LHX2: variants seen among roughly 807,000 people sequenced by gnomAD.
LHX2 encodes the protein LIM homeobox 2.
LHX2 carries 6 observed loss-of-function variants against 33.0 expected under a neutral mutation model. That is an observed-to-expected ratio of 0.18 (90% CI 0.10 to 0.36). The LOEUF is 0.36. Ranked by LOEUF, LHX2 falls within the 10% of genes least tolerant of loss-of-function variation. The pLI is 1.00. For missense variants in LHX2, 442 were observed against 586.2 expected (o/e 0.75, Z 2.54); for synonymous variants, 292 against 253.1 (o/e 1.15, Z -1.46).
rs187693891 is a variant in LHX2, at chr9:124,019,048, G to A, written c.728-2051G>A. ...CTGCCCCACCCCCAGTGGAGCTGGG[G>A]ACTGGGGGAAAGAAAAGGGTTGCTC... On this transcript the variant is annotated intron_variant, in intron 3 of 4. Transcript: ENST00000373615. 4.2e-3 allele frequency among the ~76,000 whole-genome samples: 636 copies of A among 152,348 alleles called. 3 individuals carry two copies. The highest frequency in any genetic ancestry group is 6.7e-3 in the Non-Finnish European group (455 of 68,028).
chr9:124,030,093 G>A (rs1317348949), intron 4 of LHX2, among the ~76,000 whole-genome samples: 1 of 152,214 alleles, frequency 6.6e-6, no homozygotes, highest in Non-Finnish European at 1.5e-5. Context: ...CCTTCTTCCT[G>A]GGAAGATCCA....
chr9:124,024,513 A>G (rs2118771838), intron 4 of LHX2, among the ~76,000 whole-genome samples: 1 of 152,314 alleles, frequency 6.6e-6, no homozygotes, highest in Non-Finnish European at 1.5e-5. Flanking sequence ...TGAGATTTGG[A>G]TGTTTTAATT....
intron 4 of LHX2, among the ~76,000 whole-genome samples, chr9:124,029,134 A>G (rs1486998731): frequency 7.2e-5 from 11 of 152,132 alleles, no homozygotes; most frequent in African/African-American, 2.7e-4. Flanking sequence ...TAATAATAAT[A>G]ATAGTCAATA....
At chr9:124,030,929 G>A (rs528931504) in intron 4 of LHX2, among the ~76,000 whole-genome samples, 99 of 152,200 alleles carry the variant, frequency 6.5e-4, no homozygotes, top group Non-Finnish European at 1.0e-3. Context: ...CACTGTGCCC[G>A]TCCTTAGATG....
chr9:124,025,427 T>C (rs7873464), intron 4 of LHX2, among the ~76,000 whole-genome samples: 74,653 of 138,156 alleles, frequency 0.54, 19,290 homozygotes, highest in Admixed American at 0.65. Flanking sequence ...GGCGACAGAG[T>C]GAGACTCTGT....
chr9:124,023,927 G>T (rs1737790962), intron 4 of LHX2, among the ~76,000 whole-genome samples: 1 of 152,196 alleles, frequency 6.6e-6, no homozygotes, highest in African/African-American at 2.4e-5. Context: ...ACCATGCTGT[G>T]TACCAGGCAG....
intron 3 of LHX2, among the ~76,000 whole-genome samples, chr9:124,020,520 C>T (rs940232046): frequency 6.6e-6 from 1 of 152,046 alleles, no homozygotes; most frequent in African/African-American, 2.4e-5. Flanking sequence ...TTCTAGGTGC[C>T]GGTCCCAGAC....
intron 4 of LHX2, among the ~76,000 whole-genome samples, chr9:124,024,882 C>T (rs1472234113): frequency 2.0e-5 from 3 of 152,188 alleles, no homozygotes; most frequent in African/African-American, 7.2e-5. Flanking sequence ...TTCCAAAGCT[C>T]TTTCCAATAT....
rs905633389 is a variant in LHX2 at position 124,012,685 on chromosome 9, C to T, written c.120+217C>T. On this transcript the variant is annotated intron_variant, in intron 1 of 4. Transcript: ENST00000373615. This position sits in a 1 kb window ranked among gnomAD's most constrained non-coding sequence, Gnocchi z 4.3. ...CAAGGTTGAAACCGAAATCTCGGCC[C>T]TGGGGGTAGAGGAGAGCGTTTCTTC... 1.3e-5 allele frequency among the ~76,000 whole-genome samples: 2 copies of T among 152,228 alleles called. No homozygotes were observed. The highest frequency in any genetic ancestry group is 4.8e-5 in the African/African-American group (2 of 41,464).
intron 4 of LHX2, among the ~76,000 whole-genome samples, chr9:124,022,785 G>A (rs372058805): frequency 1.1e-4 from 16 of 152,240 alleles, no homozygotes; most frequent in African/African-American, 3.6e-4. Context: ...CTGCAGCTGC[G>A]GGGGGAGCCG....
At chr9:124,030,041 G>T (rs1449103595) in intron 4 of LHX2, among the ~76,000 whole-genome samples, 1 of 152,224 alleles carries the variant, frequency 6.6e-6, no homozygotes, top group Non-Finnish European at 1.5e-5. Context: ...CCCCCAGAAG[G>T]GGTGATGGGC....
Position 124,032,731 on chromosome 9 carries a change from A to G in LHX2, c.*24A>G. ...AATGACTCGCAACCCCTCACCCCACAATTTCTTTAAAAAAGAAATTATCTT... is the reference window on the plus strand; with the variant it reads ...AATGACTCGCAACCCCTCACCCCACGATTTCTTTAAAAAAGAAATTATCTT... On this transcript the variant is annotated 3_prime_UTR_variant, in exon 5 of 5. Coordinates refer to ENST00000373615, the MANE Select transcript of LHX2 (RefSeq NM_004789.4). The surrounding 1 kb of genome is among the most constrained non-coding windows in gnomAD (Gnocchi z 4.1). 1 of 1,518,082 alleles carries G rather than the reference A, an allele frequency of 6.6e-7. No individual in the cohort carries two copies. The highest frequency in any genetic ancestry group is 8.8e-7 in the Non-Finnish European group (1 of 1,131,450). The allele number at this position is 1,518,082 out of a possible 1,614,324, so 94.0% of individuals were successfully genotyped here.
chr9:124,012,615 C>T lies in LHX2; in HGVS notation c.120+147C>T. On this transcript the variant is annotated intron_variant, in intron 1 of 4. Coordinates refer to ENST00000373615, the MANE Select transcript of LHX2 (RefSeq NM_004789.4). This position sits in a 1 kb window ranked among gnomAD's most constrained non-coding sequence, Gnocchi z 4.3. ...CTCGGTCAGAATGCAAGGCCGGTGG[C>T]TCCCGGTTCGGGGGAAACCCGGCTG... 9.5e-7 allele frequency: 1 copy of T among 1,057,552 alleles called. No individual in the cohort carries two copies. The highest frequency in any genetic ancestry group is 3.2e-4 in the Middle Eastern group (1 of 3,162). 65.5% of individuals were successfully genotyped at this position (1,057,552 alleles called of 1,614,324 possible).
chr9:124,021,397 A>C (rs1588348864), intron 4 of LHX2, 93 bp downstream of exon 4: 2 of 1,051,558 alleles, frequency 1.9e-6, no homozygotes, highest in East Asian at 2.6e-5. Context: ...AGGACCTTCC[A>C]CCCTGTGTCT....
rs2118747727 is a variant in LHX2 at position 124,014,822 on chromosome 9, G to A, written c.324-300G>A. On this transcript the variant is annotated intron_variant, in intron 2 of 4. Coordinates refer to ENST00000373615, the MANE Select transcript of LHX2 (RefSeq NM_004789.4). This position sits in a 1 kb window ranked among gnomAD's most constrained non-coding sequence, Gnocchi z 4.8. ...TTTGGAGGGAGGAGTAAAGGTTGAG[G>A]AGGGGGTAAGTGGTAAGTGTCTCCC... Among the ~76,000 whole-genome samples, 1 of 152,324 alleles carries A rather than the reference G, an allele frequency of 6.6e-6. No homozygotes were observed. The highest frequency in any genetic ancestry group is 1.5e-5 in the Non-Finnish European group (1 of 68,024).
Position 124,012,178 on chromosome 9 carries a change from G to A in LHX2, c.-171G>A. 2.1e-6 allele frequency: 1 copy of A among 479,224 alleles called. No homozygotes were observed. The allele number at this position is 479,224 out of a possible 1,614,324, so 29.7% of individuals were successfully genotyped here. On this transcript the variant is annotated 5_prime_UTR_variant, in exon 1 of 5. Coordinates refer to ENST00000373615, the MANE Select transcript of LHX2 (RefSeq NM_004789.4). This position sits in a 1 kb window ranked among gnomAD's most constrained non-coding sequence, Gnocchi z 4.3. ...CTCGGCGGGAGGCGTCCTGCCCCGC[G>A]AGCGCCCGGGGCCCGGAGCCCGGCC...
chr9:124,018,803 T>G (rs1024473565), intron 3 of LHX2, among the ~76,000 whole-genome samples: 1 of 152,114 alleles, frequency 6.6e-6, no homozygotes, highest in African/African-American at 2.4e-5. Context: ...CCCCTCTCTC[T>G]TTCTCTCCCT....
In LHX2 at chr9:124,012,224, G is replaced by T. The variant is rs1413578358; in HGVS notation, c.-125G>T. ...CGGCCTGGGGGCTCAGCCGAGCTCG[G>T]GCGGGGCCGGGGCCGCGGTGGCGAT... On this transcript the variant is annotated 5_prime_UTR_variant, in exon 1 of 5. Coordinates refer to ENST00000373615, the MANE Select transcript of LHX2 (RefSeq NM_004789.4). The surrounding 1 kb of genome is among the most constrained non-coding windows in gnomAD (Gnocchi z 4.3). 7.9e-6 allele frequency: 8 copies of T among 1,011,980 alleles called. No homozygotes were observed. The highest frequency in any genetic ancestry group is 1.0e-5 in the Non-Finnish European group (8 of 800,874). 62.7% of individuals were successfully genotyped at this position (1,011,980 alleles called of 1,614,324 possible).
At chr9:124,021,078 G>A (rs149426877) in intron 3 of LHX2, 21 bp from the exon 4 acceptor site, 13 of 1,612,132 alleles carry the variant, frequency 8.1e-6, no homozygotes, top group Admixed American at 1.7e-5. Flanking sequence ...TTCACCCACC[G>A]GCTCTGTGTC....
Sources: gnomAD v4.1 joint callset for allele counts (sites outside exome capture counted in the v4.1 genomes callset) on GRCh38, gnomAD v4.1.1 for gene constraint, Gnocchi (gnomAD v3.1) non-coding constraint, MANE v1.5 for transcripts, NCBI Gene and HGNC (gene_info 2026-07-23, HGNC 2026-07-21) for gene names.